The following RP1 variants were observed in gnomAD, a reference collection of about 807,000 sequenced individuals.
RP1 encodes the protein RP1 axonemal microtubule associated.
RP1 carries 16 observed loss-of-function variants against 14.8 expected under a neutral mutation model. The observed-to-expected ratio is 1.08, with a 90% confidence interval of 0.73 to 1.65. The LOEUF (loss-of-function observed/expected upper bound fraction) is 1.65. RP1 is among the 40% of genes most tolerant of loss of function. RP1 has a pLI of 0.00. For synonymous variants in RP1, 876 were observed against 883.6 expected (o/e 0.99, Z 0.15); for missense variants, 2,631 against 2,535.0 (o/e 1.04, Z -0.81).
chr8:54,814,996 G>A (rs1280460263), intron 24 of RP1, among the ~76,000 whole-genome samples: 7 of 152,318 alleles, frequency 4.6e-5, no homozygotes, highest in Admixed American at 1.3e-4. Flanking sequence ...GTGACAAAGC[G>A]AGACTCCGTC....
intron 24 of RP1, among the ~76,000 whole-genome samples, chr8:54,825,202 A>C (rs1811359680): frequency 1.3e-5 from 2 of 152,132 alleles, no homozygotes; most frequent in Non-Finnish European, 2.9e-5. Context: ...CTCGTGATCC[A>C]TCCACCTCGG....
At chr8:54,758,474 G>A (rs1809562284) in intron 21 of RP1, among the ~76,000 whole-genome samples, 1 of 137,856 alleles carries the variant, frequency 7.3e-6, no homozygotes, top group African/African-American at 2.6e-5. Flanking sequence ...GGGAGGGAGG[G>A]AGGGAAGGAG....
intron 11 of RP1, chr8:54,679,776 A>G (rs405226): frequency 0.65 from 1,003,105 of 1,533,018 alleles, 332,928 homozygotes; most frequent in Middle Eastern, 0.78. Context: ...TGGTGTTTTC[A>G]TTTGTTTTGC....
At chr8:54,598,905 C>T (rs2129303682) in intron 1 of RP1, among the ~76,000 whole-genome samples, 1 of 152,242 alleles carries the variant, frequency 6.6e-6, no homozygotes, top group African/African-American at 2.4e-5. Context: ...ATTATTTTCG[C>T]TGTCTTTAGT....
chr8:54,672,845 C>T (rs1238311830), intron 7 of RP1, among the ~76,000 whole-genome samples: 1 of 152,110 alleles, frequency 6.6e-6, no homozygotes, highest in Non-Finnish European at 1.5e-5. Context: ...AGCATATTTT[C>T]ATTATGCGTT....
intron 25 of RP1, among the ~76,000 whole-genome samples, chr8:54,851,816 T>C (rs1463041043): frequency 6.6e-6 from 1 of 152,234 alleles, no homozygotes; most frequent in Non-Finnish European, 1.5e-5. Flanking sequence ...TGGATTTTCA[T>C]GTCTGAGTTC....
intron 24 of RP1, among the ~76,000 whole-genome samples, chr8:54,802,812 G>T (rs1783001659): frequency 6.6e-6 from 1 of 152,174 alleles, no homozygotes; most frequent in Non-Finnish European, 1.5e-5. Flanking sequence ...CAGGATAGAT[G>T]CAAAAAGCTT....
rs1267664163 is a variant in RP1, at chr8:54,755,004, C to T, written c.2941+69C>T. Reference sequence around the variant, plus strand: ...GTTTGGTAGTTGCTTAAATTTGCTTCTAAGCTATTTAGTTACAGAATATTT... The same window carrying T: ...GTTTGGTAGTTGCTTAAATTTGCTTTTAAGCTATTTAGTTACAGAATATTT... On this transcript the variant is annotated intron_variant, in intron 20 of 22. Coordinates refer to the RP1 transcript ENST00000636932. The T allele has an allele frequency of 2.9e-6, 4 of 1,367,586 alleles. No homozygotes were observed. The African/African-American group carries it at 5.9e-5, about 20-fold the overall frequency. 84.7% of individuals were successfully genotyped at this position (1,367,586 alleles called of 1,614,324 possible).
chr8:54,871,088 G>A (rs916050175), exon 29 of RP1: 2 of 152,014 alleles, frequency 1.3e-5, no homozygotes, highest in Non-Finnish European at 2.9e-5. Flanking sequence ...TTTCTTCCTT[G>A]AACTGTGTCT....
chr8:54,599,635 G>T (rs984629111), intron 1 of RP1, among the ~76,000 whole-genome samples: 98 of 151,974 alleles, frequency 6.4e-4, no homozygotes, highest in African/African-American at 2.2e-3. Flanking sequence ...TGTATTTTTT[G>T]GTAGAGGCGA....
chr8:54,628,688 G>A lies in RP1; in HGVS notation c.4806G>A (p.Gln1602=). 1 of 1,614,068 alleles carries A rather than the reference G, an allele frequency of 6.2e-7. No individual in the cohort carries two copies. The part of the protein sequence containing the change: ...SDYRPDSDSE[Q]PYKTSSDDPN... ...ATCGGCCTGACAGTGACAGTGAGCAGCCATATAAAACATCCAGTGATGATC... is the reference window on the plus strand; with the variant it reads ...ATCGGCCTGACAGTGACAGTGAGCAACCATATAAAACATCCAGTGATGATC... Residue 1602 remains glutamine (Q), a synonymous_variant, in exon 4 of 4, where the codon CAG becomes CAA. Coordinates refer to ENST00000220676, the MANE Select transcript of RP1 (RefSeq NM_006269.2).
At chr8:54,864,282 A>T (rs1265174453) in intron 27 of RP1, among the ~76,000 whole-genome samples, 1 of 152,180 alleles carries the variant, frequency 6.6e-6, no homozygotes, top group Non-Finnish European at 1.5e-5. Flanking sequence ...TGAAAACACA[A>T]AGAAAAAAAT....
At chr8:54,685,403 C>T (rs1023828840) in intron 12 of RP1, among the ~76,000 whole-genome samples, 3 of 152,084 alleles carry the variant, frequency 2.0e-5, no homozygotes, top group Admixed American at 6.6e-5. Flanking sequence ...GCCTTAATTT[C>T]GTTATTTACC....
In RP1 at chr8:54,621,591, C is replaced by T; in HGVS notation, c.615+10C>T. 1 of 1,614,066 alleles carries T rather than the reference C, an allele frequency of 6.2e-7. No homozygotes were observed. The highest frequency in any genetic ancestry group is 8.5e-7 in the Non-Finnish European group (1 of 1,180,030). On this transcript the variant is annotated intron_variant, in intron 2 of 3. Coordinates refer to ENST00000220676, the MANE Select transcript of RP1 (RefSeq NM_006269.2). ...TACGGACGGAAGGAGGGTGAGCGTTCTGGGGGCTCCTCGAGCCTGAGCTCA... is the reference window on the plus strand; with the variant it reads ...TACGGACGGAAGGAGGGTGAGCGTTTTGGGGGCTCCTCGAGCCTGAGCTCA...
chr8:54,831,205 T>A (rs1173255466), intron 24 of RP1, among the ~76,000 whole-genome samples: 1 of 152,058 alleles, frequency 6.6e-6, no homozygotes, highest in African/African-American at 2.4e-5. Context: ...TTTTCAATTC[T>A]TTTGGGTATA....
intron 24 of RP1, among the ~76,000 whole-genome samples, chr8:54,795,331 C>T (rs187887222): frequency 2.0e-4 from 30 of 152,194 alleles, no homozygotes; most frequent in Non-Finnish European, 7.4e-5. Flanking sequence ...AACACCTTAT[C>T]TCTCCATCAA....
chr8:54,678,415 G>A (rs382476), intron 8 of RP1: 966,833 of 1,427,330 alleles, frequency 0.68, 330,682 homozygotes, highest in Middle Eastern at 0.82. Context: ...GTATTATTAG[G>A]CCATATTTAT....
rs1808356247 is a variant in RP1 at position 54,714,409 on chromosome 8, T to C, written c.2212-5720T>C. On this transcript the variant is annotated intron_variant, in intron 15 of 22. Coordinates refer to the RP1 transcript ENST00000636932. ...TTGTTCCTATGGATAACATCACTAT[T>C]GTAAAATCTAAGATTGGAGTTTGGG... is the stretch of plus-strand genomic sequence containing the variant. Among the ~76,000 whole-genome samples the C allele has an allele frequency of 3.9e-5, 6 of 152,294 alleles. No homozygotes were observed. In the South Asian group the frequency reaches 8.3e-4, roughly 21 times the overall value.
intron 22 of RP1, among the ~76,000 whole-genome samples, chr8:54,768,227 C>T (rs1809813155): frequency 6.6e-6 from 1 of 152,228 alleles, no homozygotes; most frequent in Non-Finnish European, 1.5e-5. Context: ...GTCCAACCTT[C>T]AGCTCAAGTA....
Sources: gnomAD v4.1 joint callset for allele counts (sites outside exome capture counted in the v4.1 genomes callset) on GRCh38, gnomAD v4.1.1 for gene constraint, MANE v1.5 for transcripts, NCBI Gene and HGNC (gene_info 2026-07-23, HGNC 2026-07-21) for gene names.